Variants in CAMK2B observed in about 807,000 individuals in gnomAD.
CAMK2B encodes calcium/calmodulin-dependent protein kinase type II subunit beta.
In CAMK2B, 27 loss-of-function variants were observed where a neutral mutation model predicts 93.7. The ratio of observed to expected loss-of-function variants is 0.29; its 90% CI spans 0.21 to 0.40. CAMK2B has a LOEUF of 0.40. Ranked by LOEUF, CAMK2B falls within the 10% of genes least tolerant of loss-of-function variation. The probability of loss-of-function intolerance (pLI) is 1.00; values close to 1 mark genes in which losing one functional copy is unlikely to be tolerated. For missense variants in CAMK2B, 568 were observed against 895.8 expected, an observed-to-expected ratio of 0.63 and a Z score of 4.67; for synonymous variants, 374 against 358.8, an observed-to-expected ratio of 1.04 and a Z score of -0.48.
chr7:44,297,715 GA>G (rs757022663), intron 1 of CAMK2B, among the ~76,000 whole-genome samples: 11 of 149,568 alleles, frequency 7.4e-5, no homozygotes, highest in South Asian at 4.3e-4. Context: ...TTTTTGCAGG[GA>G]AAAAAAAACC....
intron 18 of CAMK2B, 34 bp from the exon 19 acceptor site, chr7:44,228,958 C>T (rs758496859): frequency 1.9e-6 from 3 of 1,600,478 alleles, no homozygotes; most frequent in Non-Finnish European, 2.6e-6. Context: ...GAACATGAGG[C>T]AGACAGACAC....
At chr7:44,220,741 C>T in intron 21 of CAMK2B, 31 bp from the exon 22 acceptor site, 1 of 1,590,880 alleles carries the variant, frequency 6.3e-7, no homozygotes, top group Non-Finnish European at 8.6e-7. Flanking sequence ...AGGAGGGGCC[C>T]CGTGGACCCC....
intron 1 of CAMK2B, among the ~76,000 whole-genome samples, chr7:44,297,506 T>C (rs924618775): frequency 6.6e-6 from 1 of 152,188 alleles, no homozygotes; most frequent in African/African-American, 2.4e-5. Flanking sequence ...AATAATCACT[T>C]TAAATGTCAA....
rs537270120 is a variant in CAMK2B, at chr7:44,312,653, G to T, written c.65+12704C>A. The stretch of plus-strand genomic sequence containing the variant: ...GGGAGGAAAAGTGGAAACATGAAGT[G>T]AGAAAAAGAGAGGGAGAGAAACAGA... On this transcript the variant is annotated intron_variant, in intron 1 of 23. Coordinates refer to ENST00000395749, the MANE Select transcript of CAMK2B (RefSeq NM_001220.5). The surrounding 1 kb of genome is among the most constrained non-coding windows in gnomAD (Gnocchi z 4.1). 5.3e-5 allele frequency among the ~76,000 whole-genome samples: 8 copies of T among 152,256 alleles called. No homozygotes were observed. The highest frequency in any genetic ancestry group is 1.9e-4 in the African/African-American group (8 of 41,548).
chr7:44,325,396 C>T lies in CAMK2B; in HGVS notation c.26G>A (p.Arg9His). 4 of 1,221,248 alleles carry T rather than the reference C, an allele frequency of 3.3e-6. No homozygotes were observed. The highest frequency in any genetic ancestry group is 1.8e-5 in the South Asian group (1 of 54,568). The allele number at this position is 1,221,248 out of a possible 1,614,324, so 75.7% of individuals were successfully genotyped here. A position where few individuals can be genotyped will look rare whatever the true frequency, so the allele number is the denominator to read the frequency against. The change falls in exon 1 of 24, where the codon CGC (arginine) becomes CAC (histidine). Residue 9 changes from arginine (R) to histidine (H), a missense_variant. This residue lies in a region of CAMK2B where 39 missense variants were observed against 43.4 expected (regional missense o/e 0.90). Transcript: ENST00000395749. The stretch of plus-strand genomic sequence containing the variant: ...GTAGAGCTGGTACTCGTCGGTGAAG[C>T]GGGTGCAGGTCACCGTGGTGGCCAT... MATTVTCT[R>H]FTDEYQLYED...
chr7:44,313,365 G>A (rs941605111), intron 1 of CAMK2B, among the ~76,000 whole-genome samples: 16 of 151,708 alleles, frequency 1.1e-4, no homozygotes, highest in Admixed American at 6.6e-5. Flanking sequence ...GGGCACAGGC[G>A]GAGGGCACCC....
chr7:44,240,193 A>G (rs1300008203), intron 12 of CAMK2B, among the ~76,000 whole-genome samples: 2 of 152,088 alleles, frequency 1.3e-5, no homozygotes, highest in Admixed American at 6.5e-5. Flanking sequence ...TCAGGGGTCT[A>G]TAACAGACCC....
At position 44,248,715 on chromosome 7, in the gene CAMK2B, C is replaced by A. The variant is rs2128992237; in HGVS notation, c.342-1523G>T. On this transcript the variant is annotated intron_variant, in intron 5 of 23. Transcript: ENST00000395749. This position sits in a 1 kb window ranked among gnomAD's most constrained non-coding sequence, Gnocchi z 4.1. The stretch of plus-strand genomic sequence containing the variant: ...GAGGTCAGCCTTCTTCCTCAAATAG[C>A]TCCCACCCGTCTTGGTCCCATCTGT... 6.6e-6 allele frequency among the ~76,000 whole-genome samples: 1 copy of A among 152,312 alleles called. No individual in the cohort carries two copies.
intron 11 of CAMK2B, among the ~76,000 whole-genome samples, chr7:44,241,358 G>A (rs1334384018): frequency 2.0e-5 from 3 of 152,184 alleles, no homozygotes; most frequent in Admixed American, 6.6e-5. Flanking sequence ...CGGAAGCTTC[G>A]GACTTGCTTG....
intron 10 of CAMK2B, 26 bp downstream of exon 10, chr7:44,242,192 C>T (rs530331441): frequency 1.3e-4 from 209 of 1,603,046 alleles, no homozygotes; most frequent in Middle Eastern, 1.2e-3. Flanking sequence ...GCCCCCTCCC[C>T]ACCATGGGCA....
At chr7:44,228,713 G>A in intron 19 of CAMK2B, 83 bp downstream of exon 19, 1 of 1,297,738 alleles carries the variant, frequency 7.7e-7, no homozygotes. Context: ...GGCCGTGCAT[G>A]CAGGTGGGAA....
chr7:44,228,870 T>C lies in CAMK2B; in HGVS notation c.1394A>G (p.Glu465Gly). Residue 465 changes from glutamate (E) to glycine (G), a missense_variant, in exon 19 of 24, where the codon GAA becomes GGA. By Grantham distance (98) the Glu-to-Gly change is moderately conservative. Coordinates refer to ENST00000395749, the MANE Select transcript of CAMK2B (RefSeq NM_001220.5). ...NSVRRGSGTP[E>G]AEGPLSAGPP... ...CCCCGCTGAGAGGGGGCCCTCGGCT[T>C]CTGGGGTTCCTGAACCCCTTCTCAC... The C allele has an allele frequency of 1.9e-6, 3 of 1,564,110 alleles. No individual in the cohort carries two copies. Among genetic ancestry groups the C allele is most frequent in the Non-Finnish European group, 2.6e-6 (3 of 1,148,806 alleles).
intron 10 of CAMK2B, 125 bp from the exon 11 acceptor site, chr7:44,241,908 G>T: frequency 1.3e-6 from 1 of 766,584 alleles, no homozygotes. Flanking sequence ...ATTGCGGCAA[G>T]GGTTGTCTGT....
intron 1 of CAMK2B, among the ~76,000 whole-genome samples, chr7:44,288,963 G>T (rs946151436): frequency 6.6e-6 from 1 of 152,140 alleles, no homozygotes; most frequent in Non-Finnish European, 1.5e-5. Context: ...GGGCTCTCGG[G>T]GCTTCACAGG....
chr7:44,251,862 G>A (rs988997226), intron 5 of CAMK2B, among the ~76,000 whole-genome samples: 1 of 152,190 alleles, frequency 6.6e-6, no homozygotes, highest in African/African-American at 2.4e-5. Context: ...AACAGCCCGA[G>A]CATTTCCTGA....
intron 1 of CAMK2B, chr7:44,323,858 G>A (rs1019723396): frequency 1.6e-4 from 26 of 161,400 alleles, no homozygotes; most frequent in African/African-American, 5.0e-4. Flanking sequence ...GAGGACAGAC[G>A]GGGGTAGATC....
intron 1 of CAMK2B, among the ~76,000 whole-genome samples, chr7:44,310,836 A>T (rs1484785760): frequency 6.6e-6 from 1 of 152,188 alleles, no homozygotes; most frequent in Admixed American, 6.5e-5. Context: ...TCACTTAGGG[A>T]AGACAAAAAC....
intron 1 of CAMK2B, among the ~76,000 whole-genome samples, chr7:44,297,986 T>A (rs1473307778): frequency 6.6e-6 from 1 of 152,154 alleles, no homozygotes; most frequent in Non-Finnish European, 1.5e-5. Context: ...TAGCCAGGCT[T>A]GGTGGTGCAC....
At position 44,242,217 on chromosome 7, in the gene CAMK2B, C is replaced by T. The variant is rs1332760099; in HGVS notation, c.819+1G>A. On this transcript the variant is annotated splice_donor_variant, in intron 10 of 23. Coordinates refer to ENST00000395749, the MANE Select transcript of CAMK2B (RefSeq NM_001220.5). LOFTEE classifies it high-confidence loss of function. Reference sequence around the variant, plus strand: ...CACCATGGGCACCAAGGGCGACTCACGCAGACCCACGGGTGCTTCAGGGCC... The same window carrying T: ...CACCATGGGCACCAAGGGCGACTCATGCAGACCCACGGGTGCTTCAGGGCC... The T allele has an allele frequency of 1.2e-6, 2 of 1,612,350 alleles. No homozygotes were observed. Among genetic ancestry groups the T allele is most frequent in the African/African-American group, 1.3e-5 (1 of 74,896 alleles).
Sources: gnomAD v4.1 joint callset for allele counts (sites outside exome capture counted in the v4.1 genomes callset) on GRCh38, gnomAD v4.1.1 for gene constraint, gnomAD v4.1.1 regional missense constraint, Gnocchi (gnomAD v3.1) non-coding constraint, MANE v1.5 for transcripts, NCBI Gene and HGNC (gene_info 2026-07-23, HGNC 2026-07-21) for gene names.